The following SCAMP1 variants were observed in gnomAD, a reference collection of about 807,000 sequenced individuals.
The protein encoded by SCAMP1 is secretory carrier membrane protein 1.
Under a neutral mutation model 41.8 loss-of-function variants are expected in SCAMP1, and 15 were observed. That is an observed-to-expected ratio of 0.36 (90% CI 0.24 to 0.55). SCAMP1 has a LOEUF of 0.55. SCAMP1 is among the 20% of genes least tolerant of loss of function. The probability of loss-of-function intolerance (pLI) is 0.86; values close to 1 mark genes in which losing one functional copy is unlikely to be tolerated. For synonymous variants in SCAMP1, 135 were observed against 136.8 expected, an observed-to-expected ratio of 0.99 and a Z score of 0.09; for missense variants, 341 against 412.6, an observed-to-expected ratio of 0.83 and a Z score of 1.50.
intron 1 of SCAMP1, among the ~76,000 whole-genome samples, chr5:78,365,899 A>G (rs1750782622): frequency 6.6e-6 from 1 of 152,220 alleles, no homozygotes; most frequent in African/African-American, 2.4e-5. Context: ...AAAATGACCC[A>G]TAATTCAAGT....
chr5:78,363,536 G>C (rs1373282863), intron 1 of SCAMP1, among the ~76,000 whole-genome samples: 1 of 152,202 alleles, frequency 6.6e-6, no homozygotes, highest in Non-Finnish European at 1.5e-5. Flanking sequence ...TTTATTTGCA[G>C]TATTTGAAGA....
intron 3 of SCAMP1, among the ~76,000 whole-genome samples, chr5:78,416,337 TGA>T (rs1752207651): frequency 6.6e-6 from 1 of 152,208 alleles, no homozygotes; most frequent in Non-Finnish European, 1.5e-5. Context: ...ACATTCCCAC[TGA>T]GAGTTTCTGG....
At chr5:78,461,517 C>T (rs148572260) in intron 8 of SCAMP1, among the ~76,000 whole-genome samples, 8 of 152,198 alleles carry the variant, frequency 5.3e-5, no homozygotes, top group South Asian at 2.1e-4. Context: ...GTTCTCTGTT[C>T]GATTGGTCTG....
At chr5:78,417,394 G>A (rs371636951) in intron 4 of SCAMP1, among the ~76,000 whole-genome samples, 6 of 152,298 alleles carry the variant, frequency 3.9e-5, no homozygotes, top group African/African-American at 1.4e-4. Flanking sequence ...ATCAGAGGTA[G>A]CATCTATAGA....
At chr5:78,406,698 T>G (rs1051588831) in intron 2 of SCAMP1, among the ~76,000 whole-genome samples, 3 of 152,228 alleles carry the variant, frequency 2.0e-5, no homozygotes, top group African/African-American at 4.8e-5. Flanking sequence ...CTAGCCAAAC[T>G]GAAGAGGCAA....
intron 1 of SCAMP1, among the ~76,000 whole-genome samples, chr5:78,372,592 G>T (rs1750967802): frequency 6.6e-6 from 1 of 151,912 alleles, no homozygotes; most frequent in Non-Finnish European, 1.5e-5. Context: ...CTCCAAGCAA[G>T]TGCACAACTC....
intron 2 of SCAMP1, among the ~76,000 whole-genome samples, chr5:78,401,274 A>G (rs1370712982): frequency 6.6e-6 from 1 of 152,124 alleles, no homozygotes; most frequent in Admixed American, 6.5e-5. Flanking sequence ...ATCCATGTTC[A>G]TCAGAGAATA....
chr5:78,465,372 G>A (rs971969408), intron 8 of SCAMP1, among the ~76,000 whole-genome samples: 20 of 152,184 alleles, frequency 1.3e-4, no homozygotes, highest in Admixed American at 9.2e-4. Flanking sequence ...ACAGACTTCT[G>A]TAACCACTCA....
chr5:78,395,740 G>T (rs1428338297), intron 2 of SCAMP1, among the ~76,000 whole-genome samples: 1 of 152,224 alleles, frequency 6.6e-6, no homozygotes, highest in Non-Finnish European at 1.5e-5. Context: ...GCCTCCAGAG[G>T]CTGTATAGTT....
At chr5:78,414,370 C>T (rs1021412623) in intron 2 of SCAMP1, among the ~76,000 whole-genome samples, 3 of 152,006 alleles carry the variant, frequency 2.0e-5, no homozygotes, top group South Asian at 2.1e-4. Context: ...GCAACCTCCG[C>T]CTCCCGGGTT....
Position 78,480,023 on chromosome 5 carries a change from G to A in SCAMP1, c.*4355G>A, listed in dbSNP as rs781087554. 3.3e-5 allele frequency among the ~76,000 whole-genome samples: 5 copies of A among 151,326 alleles called. No homozygotes were observed. Among genetic ancestry groups the A allele is most frequent in the Admixed American group, 6.6e-5 (1 of 15,232 alleles). On this transcript the variant is annotated 3_prime_UTR_variant, in exon 9 of 9. Coordinates refer to ENST00000621999, the MANE Select transcript of SCAMP1 (RefSeq NM_004866.6). ...ATCTCTCCACTGCACTCCAGCCTGG[G>A]CGACAGAGCGAGACTCCATCTCAAG...
intron 2 of SCAMP1, among the ~76,000 whole-genome samples, chr5:78,412,330 A>G (rs1262536914): frequency 1.3e-5 from 2 of 151,406 alleles, no homozygotes; most frequent in Non-Finnish European, 2.9e-5. Context: ...ATAATGCCCT[A>G]TAGTCTATAG....
intron 1 of SCAMP1, among the ~76,000 whole-genome samples, chr5:78,369,030 T>A (rs1750870420): frequency 6.6e-6 from 1 of 151,734 alleles, no homozygotes; most frequent in Admixed American, 6.6e-5. Context: ...AATATTGTAA[T>A]GTCTCAGGGA....
chr5:78,457,426 C>T (rs1349716051), intron 7 of SCAMP1, among the ~76,000 whole-genome samples: 1 of 151,922 alleles, frequency 6.6e-6, no homozygotes, highest in Non-Finnish European at 1.5e-5. Context: ...AGCTGCAGGT[C>T]TGTTGGAATA....
chr5:78,470,372 C>T (rs1450485825), intron 8 of SCAMP1, among the ~76,000 whole-genome samples: 1 of 152,112 alleles, frequency 6.6e-6, no homozygotes, highest in Non-Finnish European at 1.5e-5. Flanking sequence ...CTCTAATTTG[C>T]TATGAATTGC....
chr5:78,436,921 C>A (rs568087059), intron 6 of SCAMP1, among the ~76,000 whole-genome samples: 2 of 152,218 alleles, frequency 1.3e-5, no homozygotes, highest in South Asian at 4.1e-4. Flanking sequence ...TTGTAGTTCT[C>A]CTTGAAGGGG....
chr5:78,411,188 G>C (rs1458435829), intron 2 of SCAMP1, among the ~76,000 whole-genome samples: 1 of 151,962 alleles, frequency 6.6e-6, no homozygotes, highest in Non-Finnish European at 1.5e-5. Context: ...TGCTTTTGTA[G>C]TTTTTGTCAT....
rs144172142 is a variant in SCAMP1, at chr5:78,442,047, T to G, written c.633-7886T>G. ...GGGAGGCTGAGGTGGGAGGATTGATTGAGCCCAAGAGGTTGAGGCTGCAGT... is the reference window on the plus strand; with the variant it reads ...GGGAGGCTGAGGTGGGAGGATTGATGGAGCCCAAGAGGTTGAGGCTGCAGT... On this transcript the variant is annotated intron_variant, in intron 6 of 8. Coordinates refer to ENST00000621999, the MANE Select transcript of SCAMP1 (RefSeq NM_004866.6). Among the ~76,000 whole-genome samples, 1,133 of 152,252 alleles carry G rather than the reference T, an allele frequency of 7.4e-3. 17 individuals carry two copies. The highest frequency in any genetic ancestry group is 0.025 in the African/African-American group (1,047 of 41,550).
chr5:78,367,674 T>C (rs1750832361), intron 1 of SCAMP1, among the ~76,000 whole-genome samples: 1 of 152,214 alleles, frequency 6.6e-6, no homozygotes. Context: ...ACTTCTTGAC[T>C]GGAGACAGAC....
Sources: allele counts gnomAD v4.1 joint callset (sites outside exome capture counted in the v4.1 genomes callset), GRCh38; gene constraint gnomAD v4.1.1; transcripts MANE v1.5; gene names NCBI Gene and HGNC (gene_info 2026-07-23, HGNC 2026-07-21).